IP6K1: variants seen among roughly 807,000 people sequenced by gnomAD.
The protein encoded by IP6K1 is inositol hexakisphosphate kinase 1.
A neutral mutation model predicts 38.3 loss-of-function variants in IP6K1; 13 were observed. The observed-to-expected ratio is 0.34, with a 90% CI of 0.22 to 0.54. The LOEUF (loss-of-function observed/expected upper bound fraction) is 0.54. IP6K1 is among the 20% of genes least tolerant of loss of function. The pLI is 0.92. For synonymous variants in IP6K1, 212 were observed against 229.9 expected (o/e 0.92, Z 0.70); for missense variants, 397 against 599.8 (o/e 0.66, Z 3.53).
intron 1 of IP6K1, among the ~76,000 whole-genome samples, chr3:49,766,976 A>G (rs1215886699): frequency 6.6e-6 from 1 of 150,838 alleles, no homozygotes; most frequent in Non-Finnish European, 1.5e-5. Context: ...AAAAAAAAAA[A>G]AAAAAAAAAA....
chr3:49,740,848 T>C (rs540325535), intron 2 of IP6K1, among the ~76,000 whole-genome samples: 3 of 151,864 alleles, frequency 2.0e-5, no homozygotes, highest in South Asian at 2.1e-4. Context: ...CCCTGTTTTT[T>C]CTTTTTTCTT....
At chr3:49,752,872 G>C (rs551469753) in intron 1 of IP6K1, among the ~76,000 whole-genome samples, 5 of 151,170 alleles carry the variant, frequency 3.3e-5, no homozygotes, top group Non-Finnish European at 7.4e-5. Context: ...CCATGCCTCA[G>C]CCTCCCAAGT....
intron 2 of IP6K1, among the ~76,000 whole-genome samples, 161 bp from the exon 3 acceptor site, chr3:49,738,583 AGAAAATG>A (rs2108228943): frequency 6.6e-6 from 1 of 152,340 alleles, no homozygotes; most frequent in Non-Finnish European, 1.5e-5. Flanking sequence ...AGTAACTTCC[AGAAAATG>A]GATGACCGTC....
chr3:49,777,037 C>G (rs202237933), intron 1 of IP6K1, among the ~76,000 whole-genome samples: 1 of 151,948 alleles, frequency 6.6e-6, no homozygotes, highest in Admixed American at 6.6e-5. Context: ...GAGTTCGAGA[C>G]AAGCCTGGTC....
intron 1 of IP6K1, among the ~76,000 whole-genome samples, chr3:49,767,032 T>C (rs1490056716): frequency 6.9e-6 from 1 of 144,772 alleles, no homozygotes. Context: ...TGGGAAGCCA[T>C]GGCAGGAGGA....
At chr3:49,770,509 G>A (rs1212821951) in intron 1 of IP6K1, among the ~76,000 whole-genome samples, 5 of 152,138 alleles carry the variant, frequency 3.3e-5, no homozygotes, top group Non-Finnish European at 7.4e-5. Flanking sequence ...GCCAAGGTGT[G>A]CAGAGCTCAC....
intron 1 of IP6K1, among the ~76,000 whole-genome samples, chr3:49,783,322 C>T (rs1575333011): frequency 6.6e-6 from 1 of 151,208 alleles, no homozygotes; most frequent in African/African-American, 2.4e-5. Context: ...AAGGCTGAGG[C>T]AGGTGGATCA....
chr3:49,734,220 C>T (rs966597675), intron 3 of IP6K1, among the ~76,000 whole-genome samples: 7 of 152,086 alleles, frequency 4.6e-5, no homozygotes, highest in Middle Eastern at 3.4e-3. Context: ...AATACTGGAA[C>T]TTTGCCAACA....
intron 2 of IP6K1, among the ~76,000 whole-genome samples, chr3:49,739,657 G>C (rs779468007): frequency 1.3e-5 from 2 of 151,812 alleles, no homozygotes; most frequent in African/African-American, 4.8e-5. Flanking sequence ...CCGGCCTAAA[G>C]TTCTTTATAA....
chr3:49,754,193 T>C (rs1575316707), intron 1 of IP6K1, among the ~76,000 whole-genome samples: 1 of 136,900 alleles, frequency 7.3e-6, no homozygotes, highest in East Asian at 2.4e-4. Flanking sequence ...ATGGCAAAAC[T>C]TCACTTTTAC....
intron 1 of IP6K1, among the ~76,000 whole-genome samples, chr3:49,770,593 G>A (rs920698310): frequency 7.9e-5 from 12 of 151,944 alleles, no homozygotes; most frequent in Non-Finnish European, 1.2e-4. Context: ...TGTAGTGAGC[G>A]GAGATCATGC....
intron 1 of IP6K1, among the ~76,000 whole-genome samples, chr3:49,780,309 T>TACACACACACACACACACACACAC (rs71080553): frequency 0.084 from 9,829 of 117,396 alleles, 1,035 homozygotes; most frequent in South Asian, 0.11. Flanking sequence ...TCATCTTTCA[T>TACACACACACACACACACACACAC]ACACACACAC....
chr3:49,777,458 G>A (rs2081026702), intron 1 of IP6K1, among the ~76,000 whole-genome samples: 1 of 151,958 alleles, frequency 6.6e-6, no homozygotes, highest in South Asian at 2.1e-4. Context: ...AGCTACTCGG[G>A]AGGCTGAGGC....
intron 1 of IP6K1, among the ~76,000 whole-genome samples, chr3:49,772,139 T>A (rs1559714683): frequency 6.6e-6 from 1 of 150,748 alleles, no homozygotes; most frequent in South Asian, 2.1e-4. Context: ...GAGCCCAAGG[T>A]GGGTTCAAGG....
intron 1 of IP6K1, chr3:49,775,571 C>G: frequency 9.5e-7 from 1 of 1,047,236 alleles, no homozygotes; most frequent in Non-Finnish European, 1.4e-6. Context: ...CTAAGACAGA[C>G]CTCTTCTACG....
At chr3:49,757,912 G>T (rs1220342650) in intron 1 of IP6K1, among the ~76,000 whole-genome samples, 1 of 151,998 alleles carries the variant, frequency 6.6e-6, no homozygotes, top group Non-Finnish European at 1.5e-5. Context: ...GGAAAACATG[G>T]CAATAAAATT....
At chr3:49,781,025 A>G (rs1369106320) in intron 1 of IP6K1, among the ~76,000 whole-genome samples, 1 of 152,192 alleles carries the variant, frequency 6.6e-6, no homozygotes, top group Non-Finnish European at 1.5e-5. Flanking sequence ...AGTCCCTGTC[A>G]GAAAAGGATT....
At chr3:49,767,591 T>C (rs1575324031) in intron 1 of IP6K1, among the ~76,000 whole-genome samples, 1 of 151,056 alleles carries the variant, frequency 6.6e-6, no homozygotes, top group Admixed American at 6.6e-5. Context: ...AAAATAATAA[T>C]AATAATAACA....
At chr3:49,757,805 TTATCTA>T (rs1325249095) in intron 1 of IP6K1, among the ~76,000 whole-genome samples, 12 of 152,200 alleles carry the variant, frequency 7.9e-5, no homozygotes, top group African/African-American at 2.4e-4. Context: ...CTAATTTCAA[TTATCTA>T]TAACACTGGT....
Sources: allele counts gnomAD v4.1 joint callset (sites outside exome capture counted in the v4.1 genomes callset), GRCh38; gene constraint gnomAD v4.1.1; transcripts MANE v1.5; gene names NCBI Gene and HGNC (gene_info 2026-07-23, HGNC 2026-07-21).